DYNC1I1: variants seen among roughly 807,000 people sequenced by gnomAD.
The protein encoded by DYNC1I1 is dynein cytoplasmic 1 intermediate chain 1.
DYNC1I1 carries 43 observed loss-of-function variants against 86.6 expected under a neutral mutation model. That is an observed-to-expected ratio of 0.50 (90% CI 0.39 to 0.64). The LOEUF is 0.64. Ranked by LOEUF, DYNC1I1 falls within the 30% of genes least tolerant of loss-of-function variation. DYNC1I1 has a pLI of 0.00. For missense variants in DYNC1I1, 604 were observed against 788.8 expected, an observed-to-expected ratio of 0.77 and a Z score of 2.81; for synonymous variants, 262 against 283.7, an observed-to-expected ratio of 0.92 and a Z score of 0.77.
chr7:95,891,531 CTA>C (rs1427380944), intron 6 of DYNC1I1, among the ~76,000 whole-genome samples: 1 of 152,142 alleles, frequency 6.6e-6, no homozygotes, highest in East Asian at 1.9e-4. Flanking sequence ...TCAGGGGACA[CTA>C]TTGGTGTCAG....
chr7:96,098,918 G>A (rs1791085830), downstream of DYNC1I1, among the ~76,000 whole-genome samples: 1 of 152,090 alleles, frequency 6.6e-6, no homozygotes, highest in African/African-American at 2.4e-5. Flanking sequence ...ATTCCCATTG[G>A]GACTTTGTTG....
intron 10 of DYNC1I1, among the ~76,000 whole-genome samples, chr7:96,007,928 C>T (rs1794181308): frequency 6.6e-6 from 1 of 152,186 alleles, no homozygotes; most frequent in African/African-American, 2.4e-5. Context: ...CAGTCCATTT[C>T]TCTGGTTAAG....
chr7:96,097,637 A>G lies in DYNC1I1; in HGVS notation c.*44A>G. On this transcript the variant is annotated 3_prime_UTR_variant, in exon 17 of 17. Transcript: ENST00000447467. Reference sequence around the variant, plus strand: ...ACTGCAGCCCCCACCTTTGTGTCCTAGAGCTCAGCGTCTGCAGTCAAGTCT... The same window carrying G: ...ACTGCAGCCCCCACCTTTGTGTCCTGGAGCTCAGCGTCTGCAGTCAAGTCT... 6.2e-7 allele frequency: 1 copy of G among 1,610,624 alleles called. No individual in the cohort carries two copies. Among genetic ancestry groups the G allele is most frequent in the Non-Finnish European group, 8.5e-7 (1 of 1,178,104 alleles).
At chr7:95,986,855 C>T (rs1017115949) in intron 8 of DYNC1I1, among the ~76,000 whole-genome samples, 2 of 151,924 alleles carry the variant, frequency 1.3e-5, no homozygotes, top group African/African-American at 4.8e-5. Flanking sequence ...GACATGGAAA[C>T]CCTTGCCAGG....
intron 6 of DYNC1I1, among the ~76,000 whole-genome samples, chr7:95,901,873 G>A (rs1485549530): frequency 6.6e-6 from 1 of 152,186 alleles, no homozygotes; most frequent in African/African-American, 2.4e-5. Flanking sequence ...AGAAATCACT[G>A]CTTTTTAGGT....
At chr7:95,815,881 T>C (rs1424932603) in intron 4 of DYNC1I1, among the ~76,000 whole-genome samples, 2 of 152,204 alleles carry the variant, frequency 1.3e-5, no homozygotes, top group African/African-American at 4.8e-5. Flanking sequence ...GCTAAAATTT[T>C]CTTTAGAAAG....
intron 5 of DYNC1I1, among the ~76,000 whole-genome samples, chr7:95,848,231 T>C (rs946600165): frequency 5.1e-4 from 76 of 149,714 alleles, no homozygotes; most frequent in African/African-American, 1.7e-3. Flanking sequence ...TTTTTAACTT[T>C]ACAATGGGTT....
At chr7:95,813,377 T>TAAA in intron 4 of DYNC1I1, 40 bp downstream of exon 4, 1 of 1,454,540 alleles carries the variant, frequency 6.9e-7, no homozygotes, top group Non-Finnish European at 9.0e-7. Context: ...TGGGTGTCAA[T>TAAA]TAAAAAAAAA....
At chr7:96,006,366 C>T (rs1017239622) in intron 10 of DYNC1I1, among the ~76,000 whole-genome samples, 1 of 152,072 alleles carries the variant, frequency 6.6e-6, no homozygotes, top group Non-Finnish European at 1.5e-5. Flanking sequence ...GAGAGAAAAC[C>T]CCACCTGAGC....
At chr7:96,101,231 T>TAGAC (rs1229606061), downstream of DYNC1I1, among the ~76,000 whole-genome samples, 1 of 152,104 alleles carries the variant, frequency 6.6e-6, no homozygotes, top group Non-Finnish European at 1.5e-5. Context: ...AGTGGCAAAA[T>TAGAC]AGACAGGCAG....
At chr7:95,924,081 G>A (rs536407381) in intron 6 of DYNC1I1, among the ~76,000 whole-genome samples, 70 of 152,014 alleles carry the variant, frequency 4.6e-4, no homozygotes, top group Non-Finnish European at 7.1e-4. Flanking sequence ...TGATGTCATC[G>A]ACCTATTGGA....
chr7:95,860,338 T>G (rs1460104083), intron 5 of DYNC1I1, among the ~76,000 whole-genome samples: 1 of 152,082 alleles, frequency 6.6e-6, no homozygotes. Context: ...GTAAAAATAG[T>G]GTAGAAGGAA....
At chr7:95,899,664 A>G (rs1790982348) in intron 6 of DYNC1I1, among the ~76,000 whole-genome samples, 1 of 152,196 alleles carries the variant, frequency 6.6e-6, no homozygotes. Flanking sequence ...GAACTAATTT[A>G]AAATCACAGG....
intron 16 of DYNC1I1, chr7:96,109,843 A>C (rs923760683): frequency 2.4e-5 from 4 of 169,938 alleles, no homozygotes; most frequent in Admixed American, 1.9e-4. Context: ...TGTACTTAAG[A>C]AGAATGTGTA....
intron 6 of DYNC1I1, among the ~76,000 whole-genome samples, chr7:95,873,065 A>T (rs1869050): frequency 0.5 from 76,539 of 152,018 alleles, 21,231 homozygotes; most frequent in Non-Finnish European, 0.64. Flanking sequence ...TGCTGGAAAG[A>T]TGCAAGCCAC....
At chr7:96,085,775 T>G (rs1420732234) in intron 16 of DYNC1I1, among the ~76,000 whole-genome samples, 3 of 152,244 alleles carry the variant, frequency 2.0e-5, no homozygotes, top group Non-Finnish European at 4.4e-5. Context: ...AAAATGAGCC[T>G]AGCTTCTGAA....
chr7:95,944,278 T>C (rs1035679792), intron 6 of DYNC1I1, among the ~76,000 whole-genome samples: 8 of 152,304 alleles, frequency 5.3e-5, no homozygotes, highest in Non-Finnish European at 1.0e-4. Flanking sequence ...GAAAAAATGC[T>C]CACCATCACT....
intron 13 of DYNC1I1, among the ~76,000 whole-genome samples, chr7:96,037,765 A>G (rs2116028841): frequency 6.6e-6 from 1 of 152,280 alleles, no homozygotes; most frequent in Non-Finnish European, 1.5e-5. Context: ...TATGGCACAC[A>G]CCACAAATCT....
chr7:96,050,206 G>A (rs1003845877), intron 14 of DYNC1I1, among the ~76,000 whole-genome samples: 1 of 152,072 alleles, frequency 6.6e-6, no homozygotes, highest in Non-Finnish European at 1.5e-5. Context: ...GTCTGTATTC[G>A]AGGGGGAATG....
Sources: gnomAD v4.1 joint callset for allele counts (sites outside exome capture counted in the v4.1 genomes callset) on GRCh38, gnomAD v4.1.1 for gene constraint, MANE v1.5 for transcripts, NCBI Gene and HGNC (gene_info 2026-07-23, HGNC 2026-07-21) for gene names.